The following LDAH variants were observed in gnomAD, a reference collection of about 807,000 sequenced individuals.
LDAH encodes lipid droplet-associated hydrolase.
Under a neutral mutation model 29.6 loss-of-function variants are expected in LDAH, and 26 were observed. The observed-to-expected ratio is 0.88, with a 90% CI of 0.64 to 1.22. The LOEUF (loss-of-function observed/expected upper bound fraction) is 1.22, where lower values mean the gene tolerates loss of function less well. Among genes scored for constraint, LDAH ranks in the 50% most tolerant of loss-of-function variants. The pLI, the probability that LDAH is intolerant of heterozygous loss-of-function variation, is 0.00. For missense variants in LDAH, 344 were observed against 387.3 expected (o/e 0.89, Z 0.94); for synonymous variants, 117 against 133.0 (o/e 0.88, Z 0.83).
chr2:20,684,724 G>T lies in LDAH; in HGVS notation c.*2179C>A. 1 of 720,088 alleles carries T rather than the reference G, an allele frequency of 1.4e-6. No homozygotes were observed. The highest frequency in any genetic ancestry group is 3.2e-5 in the Admixed American group (1 of 31,644). The allele number at this position is 720,088 out of a possible 1,614,324, so 44.6% of individuals were successfully genotyped here. ...GGGAACAGACTAGGAACAAACACGG[G>T]TGTGGTCAAAGCTCAATCGCTGAGC... is the stretch of plus-strand genomic sequence containing the variant. On this transcript the variant is annotated 3_prime_UTR_variant, in exon 7 of 7. Transcript: ENST00000237822.
At chr2:20,729,186 A>G (rs1666227395) in intron 5 of LDAH, among the ~76,000 whole-genome samples, 1 of 148,982 alleles carries the variant, frequency 6.7e-6, no homozygotes, top group Non-Finnish European at 1.5e-5. Flanking sequence ...GTAGGAGGTC[A>G]ATTATTGCAA....
At chr2:20,734,234 G>A (rs1666622897) in intron 5 of LDAH, among the ~76,000 whole-genome samples, 1 of 152,082 alleles carries the variant, frequency 6.6e-6, no homozygotes. Context: ...GCATACAATT[G>A]AGTCATGTTT....
At chr2:20,736,660 CA>C (rs1457129464) in intron 5 of LDAH, among the ~76,000 whole-genome samples, 1 of 152,066 alleles carries the variant, frequency 6.6e-6, no homozygotes, top group Non-Finnish European at 1.5e-5. Context: ...CTATAAAGGA[CA>C]TTTCCATTTG....
intron 5 of LDAH, among the ~76,000 whole-genome samples, chr2:20,725,439 A>T (rs1383550966): frequency 2.0e-5 from 3 of 152,228 alleles, no homozygotes; most frequent in Admixed American, 2.0e-4. Context: ...GCCAAGGGTT[A>T]CAACGCCTGA....
At chr2:20,691,712 T>C (rs1663046086) in intron 6 of LDAH, among the ~76,000 whole-genome samples, 1 of 152,252 alleles carries the variant, frequency 6.6e-6, no homozygotes, top group South Asian at 2.1e-4. Context: ...GTATACATTA[T>C]TGAGATAGAA....
chr2:20,719,465 G>T (rs1665486835), intron 5 of LDAH, among the ~76,000 whole-genome samples: 1 of 135,940 alleles, frequency 7.4e-6, no homozygotes, highest in Non-Finnish European at 1.6e-5. Context: ...CAAATAATGA[G>T]TAAGATCTAA....
chr2:20,738,863 A>G (rs564318414), intron 5 of LDAH, among the ~76,000 whole-genome samples: 4 of 152,366 alleles, frequency 2.6e-5, no homozygotes, highest in South Asian at 4.1e-4. Context: ...CAGCTGCACA[A>G]TTGAACAGGC....
At chr2:20,729,204 G>T (rs1666228319) in intron 5 of LDAH, among the ~76,000 whole-genome samples, 1 of 142,004 alleles carries the variant, frequency 7.0e-6, no homozygotes, top group African/African-American at 2.5e-5. Context: ...CAATTAAAAG[G>T]AAGAGTCCTT....
At chr2:20,696,095 C>T (rs1273046086) in intron 6 of LDAH, among the ~76,000 whole-genome samples, 2 of 152,220 alleles carry the variant, frequency 1.3e-5, no homozygotes, top group East Asian at 1.9e-4. Context: ...ACATTCTGGA[C>T]AGGCTTTAAA....
intron 1 of LDAH, among the ~76,000 whole-genome samples, chr2:20,812,007 G>T (rs1672535719): frequency 6.6e-6 from 1 of 152,170 alleles, no homozygotes; most frequent in Non-Finnish European, 1.5e-5. Flanking sequence ...GGGCAGAGAT[G>T]ACAGATTTTG....
At chr2:20,725,901 G>A (rs893243179) in intron 5 of LDAH, among the ~76,000 whole-genome samples, 1 of 152,176 alleles carries the variant, frequency 6.6e-6, no homozygotes, top group African/African-American at 2.4e-5. Flanking sequence ...AGGTTTATGT[G>A]ATGTGCAAAG....
chr2:20,738,253 AAATAATAAT>A lies in LDAH; in HGVS notation c.703+1709_703+1717del, dbSNP rs3047714. On this transcript the variant is annotated intron_variant, in intron 5 of 6. Coordinates refer to ENST00000237822, the MANE Select transcript of LDAH (RefSeq NM_021925.4). ...GGCAACAGAGTGAGATTCCATCTCA[AAATAATAAT>A]AATAATAATAATAATAATAATAATA... Among the ~76,000 whole-genome samples, 943 of 141,790 alleles carry A rather than the reference AAATAATAAT, an allele frequency of 6.7e-3. 3 individuals are homozygous for A. Among genetic ancestry groups the A allele is most frequent in the African/African-American group, 0.018 (654 of 36,306 alleles). 93.0% of individuals were successfully genotyped at this position (141,790 alleles called of 152,430 possible).
intron 5 of LDAH, among the ~76,000 whole-genome samples, chr2:20,723,541 T>C (rs1410086210): frequency 3.3e-5 from 5 of 152,222 alleles, no homozygotes; most frequent in Non-Finnish European, 5.9e-5. Context: ...GGGAATGTAC[T>C]CCATCCCACC....
At chr2:20,705,892 C>T (rs1664270196) in intron 5 of LDAH, among the ~76,000 whole-genome samples, 1 of 152,056 alleles carries the variant, frequency 6.6e-6, no homozygotes, top group South Asian at 2.1e-4. Flanking sequence ...AAAATTTTGC[C>T]TCTGAGCACA....
chr2:20,801,666 TAGAA>T (rs1014918327), intron 1 of LDAH, among the ~76,000 whole-genome samples: 1 of 152,124 alleles, frequency 6.6e-6, no homozygotes, highest in Non-Finnish European at 1.5e-5. Flanking sequence ...CGAAAGTACT[TAGAA>T]AGGAGGAGAC....
intron 3 of LDAH, among the ~76,000 whole-genome samples, chr2:20,781,763 T>C (rs1000757231): frequency 2.0e-5 from 3 of 152,208 alleles, no homozygotes; most frequent in Non-Finnish European, 2.9e-5. Flanking sequence ...ACCTAGTAGG[T>C]TGTCAATAAG....
At chr2:20,813,251 A>G (rs1279038917) in intron 1 of LDAH, among the ~76,000 whole-genome samples, 1 of 152,192 alleles carries the variant, frequency 6.6e-6, no homozygotes, top group Non-Finnish European at 1.5e-5. Flanking sequence ...TTAACTTAGT[A>G]TAGTCTTCCA....
intron 2 of LDAH, among the ~76,000 whole-genome samples, chr2:20,796,094 CA>C (rs1671289417): frequency 6.6e-6 from 1 of 152,032 alleles, no homozygotes; most frequent in Admixed American, 6.6e-5. Context: ...ATGAGACTAT[CA>C]AACTACAAAT....
At chr2:20,788,303 A>G (rs1670698337) in intron 3 of LDAH, among the ~76,000 whole-genome samples, 2 of 152,222 alleles carry the variant, frequency 1.3e-5, no homozygotes, top group South Asian at 4.1e-4. Context: ...ACAAATTAAT[A>G]ACAGATTAGT....
Sources: gnomAD v4.1 joint callset for allele counts (sites outside exome capture counted in the v4.1 genomes callset) on GRCh38, gnomAD v4.1.1 for gene constraint, MANE v1.5 for transcripts, NCBI Gene and HGNC (gene_info 2026-07-23, HGNC 2026-07-21) for gene names.